MYO3B: variants seen among roughly 807,000 people sequenced by gnomAD.
The protein encoded by MYO3B is myosin-IIIb.
A neutral mutation model predicts 174.6 loss-of-function variants in MYO3B; 156 were observed. The ratio of observed to expected loss-of-function variants is 0.89; its 90% CI spans 0.78 to 1.02. MYO3B has a LOEUF of 1.02. Among genes scored for constraint, MYO3B ranks in the 50% least tolerant of loss-of-function variants. The pLI is 0.00. For synonymous variants in MYO3B, 563 were observed against 569.1 expected (o/e 0.99, Z 0.15); for missense variants, 1,632 against 1,639.4 (o/e 1.00, Z 0.08).
chr2:170,442,339 A>G (rs1193332772), intron 22 of MYO3B, among the ~76,000 whole-genome samples: 2 of 152,084 alleles, frequency 1.3e-5, no homozygotes, highest in East Asian at 3.9e-4. Context: ...CTGTATCATT[A>G]TGGTTTTTAT....
chr2:170,500,904 T>C (rs1397814052), intron 27 of MYO3B, among the ~76,000 whole-genome samples: 1 of 89,870 alleles, frequency 1.1e-5, no homozygotes, highest in Non-Finnish European at 2.9e-5. Flanking sequence ...TATGTGTTAT[T>C]AGTGTTACAC....
chr2:170,350,162 T>G (rs1040854300), intron 8 of MYO3B, among the ~76,000 whole-genome samples: 6 of 152,078 alleles, frequency 3.9e-5, no homozygotes, highest in Admixed American at 3.9e-4. Context: ...CACACCCAGC[T>G]AATTTTCTGT....
In MYO3B at chr2:170,291,078, G is replaced by A. The variant is rs141357847; in HGVS notation, c.750-44307G>A. 6.5e-3 allele frequency among the ~76,000 whole-genome samples: 992 copies of A among 151,880 alleles called. 13 individuals carry two copies. Among genetic ancestry groups the A allele is most frequent in the African/African-American group, 0.023 (933 of 41,404 alleles). ...AGCCTGGCCAACATGGTGAAACCCC[G>A]TCTCTACTAAAAATACAAAAATTAG... On this transcript the variant is annotated intron_variant, in intron 7 of 34. Coordinates refer to ENST00000408978, the MANE Select transcript of MYO3B (RefSeq NM_138995.5).
chr2:170,369,916 A>C (rs1268568376), intron 9 of MYO3B, among the ~76,000 whole-genome samples: 3 of 152,002 alleles, frequency 2.0e-5, no homozygotes, highest in Non-Finnish European at 4.4e-5. Context: ...ATTTTTAAGT[A>C]ACATTTTTCA....
Position 170,335,436 on chromosome 2 carries a change from C to G in MYO3B, c.801C>G (p.Asn267Lys). Residue 267 changes from asparagine to lysine, a missense_variant, in exon 8 of 35, where the codon AAC (asparagine) becomes AAG (lysine). By Grantham distance (94) the Asn-to-Lys change is moderately conservative. Transcript: ENST00000408978. ...LHPEKWCEEF[N>K]HFISQCLIKD... ...CAGAAAAATGGTGTGAAGAATTCAA[C>G]CACTTTATTTCACAGTGAGTATTTC... The G allele has an allele frequency of 6.2e-7, 1 of 1,611,980 alleles. No individual in the cohort carries two copies. The highest frequency in any genetic ancestry group is 8.5e-7 in the Non-Finnish European group (1 of 1,178,880).
At chr2:170,519,354 G>A in intron 29 of MYO3B, 84 bp from the exon 30 acceptor site, 1 of 1,000,032 alleles carries the variant, frequency 1.0e-6, no homozygotes, top group Non-Finnish European at 1.5e-6. Flanking sequence ...GGGAGAGAAG[G>A]GCTGCAGAGA....
At chr2:170,506,400 G>A (rs1687624473) in intron 28 of MYO3B, among the ~76,000 whole-genome samples, 1 of 152,176 alleles carries the variant, frequency 6.6e-6, no homozygotes. Context: ...ATGATTAGGT[G>A]GTTGTAATTT....
chr2:170,576,861 G>A (rs1019163252), intron 32 of MYO3B, among the ~76,000 whole-genome samples: 2 of 152,064 alleles, frequency 1.3e-5, no homozygotes, highest in African/African-American at 2.4e-5. Flanking sequence ...AATCACCAGC[G>A]GTTCTGCAGA....
chr2:170,442,674 C>T lies in MYO3B; in HGVS notation c.2651-1293C>T, dbSNP rs140495684. 5.5e-3 allele frequency among the ~76,000 whole-genome samples: 838 copies of T among 152,180 alleles called. 5 individuals are homozygous for T. The highest frequency in any genetic ancestry group is 6.7e-3 in the Non-Finnish European group (458 of 68,014). ...CCACTCCCCCCACTCCCCGACAGGT[C>T]CTGGTGTGTGATGTTCCCCACCCTG... On this transcript the variant is annotated intron_variant, in intron 22 of 34. Coordinates refer to ENST00000408978, the MANE Select transcript of MYO3B (RefSeq NM_138995.5).
intron 32 of MYO3B, among the ~76,000 whole-genome samples, chr2:170,547,287 G>T (rs1233165911): frequency 6.6e-6 from 1 of 150,676 alleles, no homozygotes; most frequent in Non-Finnish European, 1.5e-5. Flanking sequence ...CCGAGATCGC[G>T]CCACTGTACT....
At chr2:170,435,804 C>T (rs2094749294) in intron 22 of MYO3B, among the ~76,000 whole-genome samples, 1 of 152,122 alleles carries the variant, frequency 6.6e-6, no homozygotes, top group Non-Finnish European at 1.5e-5. Flanking sequence ...CAACAATCAC[C>T]ACTGGAACCC....
At chr2:170,532,816 CA>C (rs35190722) in intron 30 of MYO3B, among the ~76,000 whole-genome samples, 1,553 of 85,256 alleles carry the variant, frequency 0.018, 14 homozygotes, top group African/African-American at 0.02. Context: ...AACTCTGTCT[CA>C]AAAAAAAAAA....
intron 7 of MYO3B, among the ~76,000 whole-genome samples, chr2:170,323,292 G>A (rs1439177099): frequency 6.6e-6 from 1 of 152,134 alleles, no homozygotes; most frequent in Admixed American, 6.6e-5. Flanking sequence ...ATACTCTATC[G>A]CTGATCATTC....
chr2:170,487,001 T>A (rs1686109443), intron 25 of MYO3B, among the ~76,000 whole-genome samples: 1 of 152,106 alleles, frequency 6.6e-6, no homozygotes, highest in Non-Finnish European at 1.5e-5. Context: ...ACTGTAGGAG[T>A]TTATTAAAAT....
intron 23 of MYO3B, among the ~76,000 whole-genome samples, chr2:170,447,169 G>C (rs570307758): frequency 6.6e-6 from 1 of 152,268 alleles, no homozygotes; most frequent in East Asian, 1.9e-4. Context: ...TGCTTCTGCT[G>C]TTTAAATGCC....
At chr2:170,393,386 T>C (rs1222419303) in intron 16 of MYO3B, among the ~76,000 whole-genome samples, 1 of 152,082 alleles carries the variant, frequency 6.6e-6, no homozygotes, top group Non-Finnish European at 1.5e-5. Context: ...GCCTGGCCAA[T>C]ACTGTACTAC....
chr2:170,629,928 C>CTGAT (rs1487005858), intron 32 of MYO3B, among the ~76,000 whole-genome samples: 2 of 150,236 alleles, frequency 1.3e-5, no homozygotes, highest in Non-Finnish European at 3.0e-5. Context: ...TATTAATGAT[C>CTGAT]TGATTTCCAT....
At chr2:170,329,733 A>G (rs779610828) in intron 7 of MYO3B, among the ~76,000 whole-genome samples, 40 of 152,184 alleles carry the variant, frequency 2.6e-4, no homozygotes, top group Non-Finnish European at 5.3e-4. Flanking sequence ...ATGTATTACA[A>G]TTAAATGTAA....
intron 32 of MYO3B, among the ~76,000 whole-genome samples, chr2:170,567,035 G>T (rs1692115990): frequency 6.6e-6 from 1 of 152,086 alleles, no homozygotes; most frequent in South Asian, 2.1e-4. Flanking sequence ...TAGCCAAGTG[G>T]CATATGAAAA....
Sources: allele counts gnomAD v4.1 joint callset (sites outside exome capture counted in the v4.1 genomes callset), GRCh38; gene constraint gnomAD v4.1.1; transcripts MANE v1.5; gene names NCBI Gene and HGNC (gene_info 2026-07-23, HGNC 2026-07-21).